The following PCDHA7 variants were observed in gnomAD, a reference collection of about 807,000 sequenced individuals.
PCDHA7 encodes the protein protocadherin alpha 7.
Under a neutral mutation model 57.2 loss-of-function variants are expected in PCDHA7, and 37 were observed. The observed-to-expected ratio is 0.65, with a 90% CI of 0.50 to 0.85. The LOEUF (loss-of-function observed/expected upper bound fraction) is 0.85, where lower values mean the gene tolerates loss of function less well. PCDHA7 is among the 40% of genes least tolerant of loss of function. The pLI is 0.00. For synonymous variants in PCDHA7, 553 were observed against 558.8 expected (o/e 0.99, Z 0.15); for missense variants, 1,188 against 1,241.8 (o/e 0.96, Z 0.65).
chr5:140,835,998 G>C lies in PCDHA7; in HGVS notation c.1615G>C (p.Asp539His). 6.2e-7 allele frequency: 1 copy of C among 1,613,382 alleles called. No homozygotes were observed. The highest frequency in any genetic ancestry group is 1.3e-5 in the African/African-American group (1 of 75,034). ...ELLQFQVSARDAGVPPLGSNV... is the reference protein window; with the variant it reads ...ELLQFQVSARHAGVPPLGSNV... ...GTTGCAGTTCCAGGTGAGCGCGCGC[G>C]ATGCGGGCGTGCCGCCTCTGGGCAG... The change falls in exon 1 of 4, where the codon GAT (aspartate) becomes CAT (histidine). Residue 539 changes from aspartate (D) to histidine (H), a missense_variant. Around this residue, in one of 3 missense-constraint regions of PCDHA7, gnomAD observed 892 missense variants for 788.5 expected, o/e 1.13. Transcript: ENST00000525929.
At chr5:140,841,911 G>GA (rs2150325443) in intron 1 of PCDHA7, 1 of 1,613,886 alleles carries the variant, frequency 6.2e-7, no homozygotes, top group Non-Finnish European at 8.5e-7. Flanking sequence ...CTCGTATTAA[G>GA]AAAATCCTTG....
At position 140,870,104 on chromosome 5, in the gene PCDHA7, C is replaced by G. The variant is rs782066407; in HGVS notation, c.2355+33366C>G. 3.1e-6 allele frequency: 5 copies of G among 1,613,930 alleles called. No individual in the cohort carries two copies. The Admixed American group carries it at 8.3e-5, about 27-fold the overall frequency. ...ACTCCCCCAATGGCAGGTCACTGTACAGTCTGGGTGGAAATCTTGGACACC... is the reference window on the plus strand; with the variant it reads ...ACTCCCCCAATGGCAGGTCACTGTAGAGTCTGGGTGGAAATCTTGGACACC... On this transcript the variant is annotated intron_variant, in intron 1 of 3. Coordinates refer to ENST00000525929, the MANE Select transcript of PCDHA7 (RefSeq NM_018910.3).
At chr5:140,853,680 C>CTATCCTTAGACCTGCTAACGCATTAGCAT in intron 1 of PCDHA7, 1 of 988,078 alleles carries the variant, frequency 1.0e-6, no homozygotes, top group South Asian at 4.7e-5. Context: ...TATGGTCAAC[C>CTATCCTTAGACCTGCTAACGCATTAGCAT]TATCCTTAGA....
chr5:141,001,913 C>T (rs545106723), intron 3 of PCDHA7, among the ~76,000 whole-genome samples: 2 of 152,296 alleles, frequency 1.3e-5, no homozygotes, highest in South Asian at 2.1e-4. Flanking sequence ...AAAAAGACTG[C>T]AGTGGCTGAC....
chr5:140,889,089 A>G (rs1186785152), intron 1 of PCDHA7, among the ~76,000 whole-genome samples: 2 of 151,884 alleles, frequency 1.3e-5, no homozygotes, highest in Non-Finnish European at 2.9e-5. Flanking sequence ...AATTTTCAAA[A>G]CAATTTTTTC....
intron 3 of PCDHA7, among the ~76,000 whole-genome samples, chr5:140,998,062 C>A (rs2097795439): frequency 6.6e-6 from 1 of 152,176 alleles, no homozygotes; most frequent in Non-Finnish European, 1.5e-5. Flanking sequence ...TCATCATCAA[C>A]AGACTTAGCC....
At position 140,876,690 on chromosome 5, in the gene PCDHA7, G is replaced by A. The variant is rs73793508; in HGVS notation, c.2355+39952G>A. The A allele has an allele frequency of 1.7e-3, 2,720 of 1,614,174 alleles. 43 individuals are homozygous for A. The African/African-American group carries it at 0.033, about 20-fold the overall frequency. ...TGTCCACCTACAAGAATTACTACTC[G>A]TTGGTGCTGGACAGCGCCCTGGACC... On this transcript the variant is annotated intron_variant, in intron 1 of 3. Transcript: ENST00000525929.
chr5:140,891,861 T>C (rs1346164388), intron 1 of PCDHA7, among the ~76,000 whole-genome samples: 1 of 152,174 alleles, frequency 6.6e-6, no homozygotes, highest in Non-Finnish European at 1.5e-5. Context: ...GTCCCTCTCT[T>C]ATGCTTTTGG....
At chr5:140,930,527 A>G (rs73793525) in intron 1 of PCDHA7, 1 of 152,462 alleles carries the variant, frequency 6.6e-6, no homozygotes, top group Non-Finnish European at 1.5e-5. Context: ...CTGGCCCTCA[A>G]ACTTCTTGAG....
At chr5:140,997,572 G>T (rs1457109655) in intron 3 of PCDHA7, among the ~76,000 whole-genome samples, 1 of 152,068 alleles carries the variant, frequency 6.6e-6, no homozygotes, top group Non-Finnish European at 1.5e-5. Context: ...CATATGTGTG[G>T]TCCGTTGTTG....
chr5:140,936,615 G>T (rs1052104404), intron 1 of PCDHA7, among the ~76,000 whole-genome samples: 1 of 152,178 alleles, frequency 6.6e-6, no homozygotes, highest in Non-Finnish European at 1.5e-5. Context: ...CTGCTACTGT[G>T]CAGTGCTACC....
chr5:140,851,664 A>G, intron 1 of PCDHA7: 1 of 913,742 alleles, frequency 1.1e-6, no homozygotes, highest in South Asian at 5.0e-5. Flanking sequence ...TTCTCCTTTT[A>G]ATTGAAATTT....
intron 1 of PCDHA7, chr5:140,848,990 C>T (rs2150428004): frequency 4.4e-6 from 7 of 1,597,248 alleles, no homozygotes; most frequent in Middle Eastern, 1.7e-4. Flanking sequence ...TCGGGGAGAA[C>T]GCCCTGCTCA....
rs545226629 is a variant in PCDHA7, at chr5:140,856,253, A to G, written c.2355+19515A>G. ...GCGCCTGTTCCGGGTGGCGTCCAAA[A>G]GACACGGGGACCTTCTGGAGGTAAA... On this transcript the variant is annotated intron_variant, in intron 1 of 3. Transcript: ENST00000525929. 2.5e-6 allele frequency: 4 copies of G among 1,597,916 alleles called. No individual in the cohort carries two copies. The African/African-American group carries it at 4.0e-5, about 16-fold the overall frequency.
intron 1 of PCDHA7, chr5:140,871,459 G>A (rs781872546): frequency 6.2e-6 from 10 of 1,605,178 alleles, no homozygotes; most frequent in Admixed American, 1.7e-5. Flanking sequence ...GGAGGAAGGG[G>A]AAAGACAGGA....
chr5:140,873,031 G>A (rs782124612), intron 1 of PCDHA7, among the ~76,000 whole-genome samples: 3 of 152,110 alleles, frequency 2.0e-5, no homozygotes, highest in East Asian at 1.9e-4. Context: ...CTTACTACAC[G>A]TAGAGTGGTG....
rs1008533110 is a variant in PCDHA7 at position 140,836,734 on chromosome 5, A to G, written c.2351A>G (p.Asp784Gly). The G allele has an allele frequency of 6.2e-7, 1 of 1,605,696 alleles. No homozygotes were observed. Residue 784 changes from aspartate (D) to glycine (G), a missense_variant, in exon 1 of 4, where the codon GAC becomes GGC. Asp to Gly is a moderately conservative substitution (Grantham distance 94). Transcript: ENST00000525929. ...CTTCCTCAGGGTCCATCCTCTACAG[A>G]CAATGTGAGTCATAAATAATCTTGT... ...PSLPQGPSST[D>G]NPRQPNPDWR...
intron 1 of PCDHA7, chr5:140,871,583 T>C (rs782012993): frequency 2.0e-6 from 3 of 1,468,262 alleles, no homozygotes; most frequent in Non-Finnish European, 9.0e-7. Flanking sequence ...TAAGGGAAAG[T>C]TTTATGAATA....
chr5:140,981,264 C>T (rs2096925155), intron 2 of PCDHA7, among the ~76,000 whole-genome samples: 1 of 152,128 alleles, frequency 6.6e-6, no homozygotes, highest in Non-Finnish European at 1.5e-5. Flanking sequence ...TCAAGATAAG[C>T]AAATGTCTAG....
Sources: gnomAD v4.1 joint callset for allele counts (sites outside exome capture counted in the v4.1 genomes callset) on GRCh38, gnomAD v4.1.1 for gene constraint, gnomAD v4.1.1 regional missense constraint, MANE v1.5 for transcripts, NCBI Gene and HGNC (gene_info 2026-07-23, HGNC 2026-07-21) for gene names.